SBF1: variants seen among roughly 807,000 people sequenced by gnomAD.
SBF1 encodes myotubularin-related protein 5.
SBF1 carries 65 observed loss-of-function variants against 215.8 expected under a neutral mutation model. That is an observed-to-expected ratio of 0.30 (90% confidence interval 0.25 to 0.37). The LOEUF is 0.37. Ranked by LOEUF, SBF1 falls within the 10% of genes least tolerant of loss-of-function variation. The pLI is 1.00. For missense variants in SBF1, 2,634 were observed against 2,667.8 expected (o/e 0.99, Z 0.28); for synonymous variants, 1,410 against 1,122.8 (o/e 1.26, Z -5.11).
Position 50,448,375 on chromosome 22 carries a change from C to T in SBF1, c.5221G>A (p.Glu1741Lys). ...CTCAGGGTGGAGCCCACGGGCCCCT[C>T]CTGCAGGTACACACCCAGCGAGCGA... is the stretch of plus-strand genomic sequence containing the variant. The part of the protein sequence containing the change: ...HRRSLGVYLQ[E>K]GPVGSTLSLS... The change falls in exon 38 of 41, where the codon GAG becomes AAG. Residue 1741 changes from glutamate (E) to lysine (K), a missense_variant. Glu to Lys is a moderately conservative substitution (Grantham distance 56, BLOSUM62 1). Coordinates refer to ENST00000380817, the MANE Select transcript of SBF1 (RefSeq NM_002972.4). The T allele has an allele frequency of 6.2e-7, 1 of 1,613,962 alleles. No individual in the cohort carries two copies. The highest frequency in any genetic ancestry group is 8.5e-7 in the Non-Finnish European group (1 of 1,180,040).
rs961125816 is a variant in SBF1 at position 50,464,847 on chromosome 22, T to C, written c.1403A>G (p.Gln468Arg). 2 of 1,613,692 alleles carry C rather than the reference T, an allele frequency of 1.2e-6. No homozygotes were observed. Among genetic ancestry groups the C allele is most frequent in the Admixed American group, 1.7e-5 (1 of 60,026 alleles). Residue 468 changes from glutamine (Q) to arginine (R), a missense_variant, in exon 13 of 41, where the codon CAG becomes CGG. Physicochemically the swap from Gln to Arg is conservative, Grantham distance 43. Transcript: ENST00000380817. ...CTTGTAGAGCTGCTCTGCCAGTTCC[T>C]GGACGTGACGCAGGACACGCTGGGG... ...NHPQRVLRHVQELAEQLYKNE... is the reference protein window; with the variant it reads ...NHPQRVLRHVRELAEQLYKNE...
intron 28 of SBF1, among the ~76,000 whole-genome samples, chr22:50,458,014 A>C (rs968549569): frequency 6.6e-6 from 1 of 152,146 alleles, no homozygotes; most frequent in Non-Finnish European, 1.5e-5. Context: ...AAAAGGTCAG[A>C]GCTGGCCAGG....
At chr22:50,466,296 G>C (rs371022910) in intron 7 of SBF1, 38 bp from the exon 8 acceptor site, 45 of 1,611,446 alleles carry the variant, frequency 2.8e-5, no homozygotes, top group Admixed American at 2.2e-4. Flanking sequence ...GCCAGGGGAC[G>C]CGGCTGGGCA....
At chr22:50,457,175 G>T in intron 28 of SBF1, 64 bp from the exon 29 acceptor site, 1 of 1,320,690 alleles carries the variant, frequency 7.6e-7, no homozygotes, top group Admixed American at 3.7e-5. Flanking sequence ...CAGCTTGGGG[G>T]TGCCTACAGG....
chr22:50,464,589 T>C lies in SBF1; in HGVS notation c.1581A>G (p.Ala527=). The C allele has an allele frequency of 6.2e-7, 1 of 1,611,970 alleles. No individual in the cohort carries two copies. Among genetic ancestry groups the C allele is most frequent in the Non-Finnish European group, 8.5e-7 (1 of 1,179,752 alleles). ...VDQAAAKMQG[A]PPAVKAERRT... The stretch of plus-strand genomic sequence containing the variant: ...TCCTCTCGGCCTTCACAGCTGGGGG[T>C]GCACCCTGCATCTTGGCTGCAGCCT... Residue 527 remains alanine, a synonymous_variant, in exon 14 of 41, where the codon GCA becomes GCG. Transcript: ENST00000380817.
In SBF1 at chr22:50,445,684, G is replaced by C. The variant is rs1334708901; in HGVS notation, c.*1458C>G. 6.6e-6 allele frequency: 1 copy of C among 152,288 alleles called. No homozygotes were observed. Among genetic ancestry groups the C allele is most frequent in the Admixed American group, 6.5e-5 (1 of 15,284 alleles). The allele number at this position is 152,288 out of a possible 1,614,324, so 9.4% of individuals were successfully genotyped here. A position where few individuals can be genotyped will look rare whatever the true frequency, so the allele number is the denominator to read the frequency against. ...TCTGTCCGGCCTGAGGGAAGACCTGGCTGGTTTCAGTGGCTCAAGTGAGCC... is the reference window on the plus strand; with the variant it reads ...TCTGTCCGGCCTGAGGGAAGACCTGCCTGGTTTCAGTGGCTCAAGTGAGCC... On this transcript the variant is annotated 3_prime_UTR_variant, in exon 41 of 41. Transcript: ENST00000380817.
rs2067526497 is a variant in SBF1 at position 50,461,811 on chromosome 22, C to T, written c.2628G>A (p.Leu876=). The T allele has an allele frequency of 6.2e-7, 1 of 1,613,468 alleles. No homozygotes were observed. Residue 876 remains leucine, a synonymous_variant, in exon 21 of 41, where the codon CTG becomes CTA. Transcript: ENST00000380817. ...CCCCGCAAACCTTCTGGATGGGCGG[C>T]AGCCTCCGGCTCTCCCGCTGCACGG... ...LEAVQRESRR[L]PPIQKPKLLR... is the part of the protein sequence containing the mutation.
At position 50,459,520 on chromosome 22, in the gene SBF1, TGC is replaced by T; in HGVS notation, c.3636_3637del (p.His1213TrpfsTer25). 6.2e-7 allele frequency: 1 copy of T among 1,610,392 alleles called. No homozygotes were observed. The highest frequency in any genetic ancestry group is 8.5e-7 in the Non-Finnish European group (1 of 1,179,804). On this transcript the variant is annotated frameshift_variant, in exon 27 of 41. Coordinates refer to ENST00000380817, the MANE Select transcript of SBF1 (RefSeq NM_002972.4). LOFTEE classifies it high-confidence loss of function. ...GAAGAGGCCGACGACACCTTTGCCA[TGC>T]AGGCCTCCAGAGCGCAGCAGCACCG...
rs764669847 is a variant in SBF1 at position 50,468,401 on chromosome 22, T to C, written c.116A>G (p.Asn39Ser). The C allele has an allele frequency of 8.1e-6, 13 of 1,612,612 alleles. No individual in the cohort carries two copies. In the South Asian group the frequency reaches 8.8e-5, roughly 11 times the overall value. Residue 39 changes from asparagine (N) to serine (S), a missense_variant, in exon 2 of 41, where the codon AAC (asparagine) becomes AGC (serine). Physicochemically the swap from Asn to Ser is conservative, Grantham distance 46. Coordinates refer to ENST00000380817, the MANE Select transcript of SBF1 (RefSeq NM_002972.4). The stretch of plus-strand genomic sequence containing the variant: ...CAGCTCGATGCCCTGGGGGAATGGG[T>C]TGTCCTCCCAGTCCTTCTCTGGGAA... The part of the protein sequence containing the change: ...QRFPEKDWED[N>S]PFPQGIELFC...
chr22:50,458,579 T>G (rs2148580604), intron 28 of SBF1, among the ~76,000 whole-genome samples: 1 of 152,232 alleles, frequency 6.6e-6, no homozygotes, highest in South Asian at 2.1e-4. Context: ...GTATATAATG[T>G]GGTATCTGGA....
intron 40 of SBF1, 34 bp downstream of exon 40, chr22:50,447,288 C>T: frequency 6.2e-7 from 1 of 1,613,364 alleles, no homozygotes; most frequent in Non-Finnish European, 8.5e-7. Context: ...ACCGCAGAGC[C>T]CCTCCCCTCT....
intron 31 of SBF1, 83 bp downstream of exon 31, chr22:50,456,133 C>T (rs1311955718): frequency 1.4e-6 from 2 of 1,427,410 alleles, no homozygotes; most frequent in Non-Finnish European, 1.9e-6. Flanking sequence ...GTCAGACAAG[C>T]AAACCTAGAC....
At position 50,456,604 on chromosome 22, in the gene SBF1, G is replaced by A; in HGVS notation, c.3974C>T (p.Ala1325Val). Residue 1325 changes from alanine to valine, a missense_variant, in exon 30 of 41, where the codon GCT becomes GTT. Ala to Val is a moderately conservative substitution (Grantham distance 64, BLOSUM62 0). Transcript: ENST00000380817. The part of the protein sequence containing the change: ...GLGTDVGSRL[A>V]GRDALAPPQA... ...GGGTGGGGCCAGCGCGTCTCTGCCA[G>A]CTAGCCGGGAGCCCACATCGGTGCC... 1.3e-6 allele frequency: 2 copies of A among 1,530,638 alleles called. No individual in the cohort carries two copies. Among genetic ancestry groups the A allele is most frequent in the South Asian group, 1.3e-5 (1 of 77,128 alleles). 94.8% of individuals were successfully genotyped at this position (1,530,638 alleles called of 1,614,324 possible). A position where few individuals can be genotyped will look rare whatever the true frequency, so the allele number is the denominator to read the frequency against.
At chr22:50,467,146 C>T in intron 5 of SBF1, 192 bp downstream of exon 5, 1 of 603,896 alleles carries the variant, frequency 1.7e-6, no homozygotes. Context: ...CTGAACGACA[C>T]AGGCCCAGAG....
intron 1 of SBF1, among the ~76,000 whole-genome samples, chr22:50,471,277 C>T (rs1284386574): frequency 6.6e-6 from 1 of 152,244 alleles, no homozygotes; most frequent in Non-Finnish European, 1.5e-5. Context: ...AAGAGCACTC[C>T]CTCCTGCACC....
At chr22:50,449,936 A>G (rs970253489) in intron 36 of SBF1, among the ~76,000 whole-genome samples, 13 of 152,198 alleles carry the variant, frequency 8.5e-5, no homozygotes, top group Admixed American at 7.2e-4. Flanking sequence ...AGCCTAAGAC[A>G]TGGGACCACA....
chr22:50,467,313 G>A, intron 5 of SBF1, 25 bp downstream of exon 5: 3 of 1,595,646 alleles, frequency 1.9e-6, no homozygotes, highest in Non-Finnish European at 2.6e-6. Context: ...TGGCTGTGCA[G>A]ATACCAGCTG....
intron 28 of SBF1, among the ~76,000 whole-genome samples, chr22:50,458,304 CAA>C (rs35742256): frequency 1.1e-4 from 9 of 82,622 alleles, no homozygotes; most frequent in Non-Finnish European, 1.1e-4. Flanking sequence ...GACTCCGACT[CAA>C]AAAAAAAAAA....
chr22:50,455,155 T>A lies in SBF1; in HGVS notation c.4555-13A>T. On this transcript the variant is annotated splice_polypyrimidine_tract_variant and intron_variant, in intron 33 of 40. Transcript: ENST00000380817. Reference sequence around the variant, plus strand: ...ACTGCAGGTGGACCTGCACGCCATGTGGGTCAGGGGCCAGGGCTCAGCGGT... The same window carrying A: ...ACTGCAGGTGGACCTGCACGCCATGAGGGTCAGGGGCCAGGGCTCAGCGGT... 1.2e-6 allele frequency: 2 copies of A among 1,614,000 alleles called. No individual in the cohort carries two copies. Among genetic ancestry groups the A allele is most frequent in the Non-Finnish European group, 1.7e-6 (2 of 1,179,988 alleles).
Sources: gnomAD v4.1 joint callset for allele counts (sites outside exome capture counted in the v4.1 genomes callset) on GRCh38, gnomAD v4.1.1 for gene constraint, MANE v1.5 for transcripts, NCBI Gene and HGNC (gene_info 2026-07-23, HGNC 2026-07-21) for gene names.